EPS15: variants seen among roughly 807,000 people sequenced by gnomAD.
EPS15 encodes the protein epidermal growth factor receptor substrate 15.
In EPS15, 72 loss-of-function variants were observed where a neutral mutation model predicts 113.8. That is an observed-to-expected ratio of 0.63 (90% confidence interval 0.52 to 0.77). The LOEUF (loss-of-function observed/expected upper bound fraction) is 0.77. Ranked by LOEUF, EPS15 falls within the 30% of genes least tolerant of loss-of-function variation. The pLI is 0.00. For missense variants in EPS15, 1,048 were observed against 1,045.8 expected, an observed-to-expected ratio of 1.00 and a Z score of -0.03; for synonymous variants, 344 against 363.4, an observed-to-expected ratio of 0.95 and a Z score of 0.61.
intron 21 of EPS15, among the ~76,000 whole-genome samples, chr1:51,381,988 T>C (rs1038531092): frequency 4.6e-5 from 7 of 150,938 alleles, no homozygotes; most frequent in Admixed American, 2.0e-4. Context: ...AATAGAAAAA[T>C]AGAGAAAATC....
chr1:51,429,382 A>G (rs1289964030), intron 12 of EPS15, among the ~76,000 whole-genome samples: 1 of 152,086 alleles, frequency 6.6e-6, no homozygotes, highest in Admixed American at 6.5e-5. Flanking sequence ...AATTTTAACC[A>G]CTTTAAGTGT....
intron 5 of EPS15, among the ~76,000 whole-genome samples, chr1:51,466,296 T>C (rs1654835391): frequency 6.6e-6 from 1 of 151,724 alleles, no homozygotes; most frequent in Non-Finnish European, 1.5e-5. Context: ...TTGACTATAC[T>C]TTCTGTAGGG....
chr1:51,483,863 G>A (rs1011408996), intron 1 of EPS15, among the ~76,000 whole-genome samples: 1 of 151,928 alleles, frequency 6.6e-6, no homozygotes, highest in African/African-American at 2.4e-5. Flanking sequence ...TCCCAGGAGG[G>A]GATTTGGGAA....
At chr1:51,368,841 A>G in intron 21 of EPS15, among the ~76,000 whole-genome samples, 1 of 152,024 alleles carries the variant, frequency 6.6e-6, no homozygotes, top group South Asian at 2.1e-4. Context: ...GACCTCAAGC[A>G]ATCTGCCGGC....
intron 4 of EPS15, among the ~76,000 whole-genome samples, chr1:51,470,073 T>C (rs776737172): frequency 6.6e-6 from 1 of 152,172 alleles, no homozygotes; most frequent in South Asian, 2.1e-4. Flanking sequence ...CTCACTCTAT[T>C]TGAGATTCAA....
chr1:51,518,505 T>TG (rs1261301732), intron 1 of EPS15: 1 of 152,810 alleles, frequency 6.5e-6, no homozygotes, highest in Non-Finnish European at 1.5e-5. Context: ...AAGGCTGCAT[T>TG]GGGGGTCTGA....
At chr1:51,457,931 G>A (rs1202322047) in intron 8 of EPS15, 1 of 152,120 alleles carries the variant, frequency 6.6e-6, no homozygotes, top group African/African-American at 2.4e-5. Context: ...AAATAAAAAT[G>A]TAAAATAAAT....
Position 51,394,422 on chromosome 1 carries a change from G to T in EPS15, c.2078C>A (p.Pro693His). 6.2e-7 allele frequency: 1 copy of T among 1,602,780 alleles called. No individual in the cohort carries two copies. Among genetic ancestry groups the T allele is most frequent in the Non-Finnish European group, 8.5e-7 (1 of 1,172,522 alleles). The change falls in exon 21 of 25, where the codon CCT becomes CAT. Residue 693 changes from proline (P) to histidine (H), a missense_variant. By Grantham distance (77) the Pro-to-His change is moderately conservative. Coordinates refer to ENST00000371733, the MANE Select transcript of EPS15 (RefSeq NM_001981.3). ...AACAACTGTTCCACCAGGAGCAAAAGGATCATTGTGCTTCAACGTTTCTAC... is the reference window on the plus strand; with the variant it reads ...AACAACTGTTCCACCAGGAGCAAAATGATCATTGTGCTTCAACGTTTCTAC... Reference protein sequence around the residue: ...TSVETLKHNDPFAPGGTVVAA... With the variant: ...TSVETLKHNDHFAPGGTVVAA...
rs959249560 is a variant in EPS15, at chr1:51,505,252, C to G, written c.33+13947G>C. Among the ~76,000 whole-genome samples, 33 of 152,174 alleles carry G rather than the reference C, an allele frequency of 2.2e-4. 1 individual carries two copies. The highest frequency in any genetic ancestry group is 3.4e-3 in the Middle Eastern group (1 of 294). ...TATGAATGCTTATAAAAGCATTATT[C>G]ATAACAGCCAAAAGGTGGAAACCAC... On this transcript the variant is annotated intron_variant, in intron 1 of 24. Coordinates refer to ENST00000371733, the MANE Select transcript of EPS15 (RefSeq NM_001981.3).
At chr1:51,442,153 T>C (rs770673342) in intron 11 of EPS15, among the ~76,000 whole-genome samples, 1 of 152,178 alleles carries the variant, frequency 6.6e-6, no homozygotes, top group East Asian at 1.9e-4. Context: ...TATTTTAAAG[T>C]GGATTTCTGA....
intron 1 of EPS15, among the ~76,000 whole-genome samples, chr1:51,486,215 C>A (rs1281745435): frequency 1.3e-5 from 2 of 149,890 alleles, no homozygotes; most frequent in East Asian, 4.0e-4. Flanking sequence ...GTCAGGAGTT[C>A]GAGACCAGCC....
At chr1:51,409,765 A>C (rs1484585843) in intron 13 of EPS15, 69 bp from the exon 14 acceptor site, 1 of 1,041,912 alleles carries the variant, frequency 9.6e-7, no homozygotes, top group East Asian at 2.5e-5. Flanking sequence ...AGTAATTTTA[A>C]ATCTACCTTA....
chr1:51,461,919 C>T (rs1654480521), intron 7 of EPS15: 1 of 152,174 alleles, frequency 6.6e-6, no homozygotes, highest in Admixed American at 6.5e-5. Flanking sequence ...TTATCACATT[C>T]AATCACTACA....
chr1:51,485,123 T>G, intron 1 of EPS15, among the ~76,000 whole-genome samples: 1 of 152,210 alleles, frequency 6.6e-6, no homozygotes. Flanking sequence ...TGAGGCAGTT[T>G]CTATTTATCA....
Position 51,463,757 on chromosome 1 carries a change from T to TA in EPS15, c.416dup (p.Leu139PhefsTer11). 6.2e-7 allele frequency: 1 copy of TA among 1,604,250 alleles called. No homozygotes were observed. Among genetic ancestry groups the TA allele is most frequent in the Non-Finnish European group, 8.5e-7 (1 of 1,171,824 alleles). On this transcript the variant is annotated frameshift_variant, in exon 7 of 25. Coordinates refer to ENST00000371733, the MANE Select transcript of EPS15 (RefSeq NM_001981.3). LOFTEE classifies it high-confidence loss of function. ...CAGACAGAAATCCATTCACTGGGCT[T>TA]AAACTATCAAATATTGCATCATATT...
At chr1:51,392,564 ATCTTGCAAAAAAAAGAGAAATAGC>A (rs1488023329) in intron 21 of EPS15, among the ~76,000 whole-genome samples, 1 of 152,312 alleles carries the variant, frequency 6.6e-6, no homozygotes, top group African/African-American at 2.4e-5. Context: ...CTATTCCTCT[ATCTTGCAAAAAAAAGAGAAATAGC>A]TCTTGCAAAA....
At chr1:51,410,178 G>C (rs1156787374) in intron 13 of EPS15, among the ~76,000 whole-genome samples, 1 of 151,732 alleles carries the variant, frequency 6.6e-6, no homozygotes, top group African/African-American at 2.4e-5. Flanking sequence ...GCAGCGAGCC[G>C]AGATCATGCA....
intron 12 of EPS15, among the ~76,000 whole-genome samples, chr1:51,435,160 T>C (rs1406704198): frequency 6.6e-6 from 1 of 152,090 alleles, no homozygotes; most frequent in African/African-American, 2.4e-5. Context: ...AAAAACCTTT[T>C]ATATATAAAA....
chr1:51,402,872 T>G (rs1016829567), intron 17 of EPS15, among the ~76,000 whole-genome samples: 6 of 152,152 alleles, frequency 3.9e-5, no homozygotes, highest in African/African-American at 1.4e-4. Flanking sequence ...ACTACTGCAC[T>G]CAAGGCTGGG....
Sources: gnomAD v4.1 joint callset for allele counts (sites outside exome capture counted in the v4.1 genomes callset) on GRCh38, gnomAD v4.1.1 for gene constraint, MANE v1.5 for transcripts, NCBI Gene and HGNC (gene_info 2026-07-23, HGNC 2026-07-21) for gene names.